Variants in STKLD1 observed in about 807,000 individuals in gnomAD.
STKLD1 encodes the protein serine/threonine kinase-like domain-containing protein STKLD1.
In STKLD1, 79 loss-of-function variants were observed where a neutral mutation model predicts 80.4. The observed-to-expected ratio is 0.98, with a 90% CI of 0.82 to 1.19. STKLD1 has a LOEUF of 1.19. STKLD1 is among the 50% of genes most tolerant of loss of function. The pLI is 0.00. For missense variants in STKLD1, 841 were observed against 856.0 expected (o/e 0.98, Z 0.22); for synonymous variants, 393 against 357.6 (o/e 1.10, Z -1.12).
intron 13 of STKLD1, 75 bp downstream of exon 13, chr9:133,401,953 T>G (rs1838718007): frequency 1.5e-5 from 24 of 1,575,476 alleles, no homozygotes; most frequent in Middle Eastern, 1.7e-4. Flanking sequence ...AAGGGTTGGT[T>G]TGGGGTATAG....
At chr9:133,404,143 C>A in intron 16 of STKLD1, 95 bp downstream of exon 16, 1 of 1,411,252 alleles carries the variant, frequency 7.1e-7, no homozygotes, top group Non-Finnish European at 9.5e-7. Context: ...AACCAAAAAA[C>A]AGAAGCAACA....
intron 7 of STKLD1, among the ~76,000 whole-genome samples, chr9:133,391,935 A>T (rs1298381837): frequency 6.6e-6 from 1 of 151,892 alleles, no homozygotes; most frequent in Non-Finnish European, 1.5e-5. Context: ...ACAACAACCC[A>T]GGAGATGAAG....
At chr9:133,392,527 G>GTGGGTGAGTGGATGGATGGA (rs1838424224) in intron 7 of STKLD1, among the ~76,000 whole-genome samples, 1 of 150,128 alleles carries the variant, frequency 6.7e-6, no homozygotes, top group Admixed American at 6.6e-5. Context: ...AGGTGGGTGG[G>GTGGGTGAGTGGATGGATGGA]TGGGTGAGTG....
rs1554778545 is a variant in STKLD1 at position 133,405,410 on chromosome 9, G to A, written c.2032G>A (p.Gly678Arg). The change falls in exon 18 of 18, where the codon GGA (glycine) becomes AGA (arginine). Residue 678 changes from glycine (G) to arginine (R), a missense_variant. Gly to Arg is a moderately radical substitution (Grantham distance 125). Coordinates refer to ENST00000371957, the MANE Select transcript of STKLD1 (RefSeq NM_153710.5). ...SPQLGCTTSG[G>R]LE Reference sequence around the variant, plus strand: ...CCAGCTGGGGTGCACCACGTCTGGGGGACTGGAATAGATGTTTGTATGGAA... The same window carrying A: ...CCAGCTGGGGTGCACCACGTCTGGGAGACTGGAATAGATGTTTGTATGGAA... 2.5e-6 allele frequency: 4 copies of A among 1,607,520 alleles called. No individual in the cohort carries two copies. Among genetic ancestry groups the A allele is most frequent in the East Asian group, 2.2e-5 (1 of 44,850 alleles).
chr9:133,391,407 T>C (rs1300939507), intron 7 of STKLD1, among the ~76,000 whole-genome samples: 1 of 150,488 alleles, frequency 6.6e-6, no homozygotes. Flanking sequence ...GCAATGGCGG[T>C]TTTGTGGAAT....
intron 2 of STKLD1, 39 bp from the exon 3 acceptor site, chr9:133,383,817 C>G: frequency 2.5e-6 from 4 of 1,606,674 alleles, no homozygotes; most frequent in Non-Finnish European, 3.4e-6. Flanking sequence ...AGATGATTTG[C>G]TACATGTTTA....
At position 133,405,658 on chromosome 9, in the gene STKLD1, C is replaced by T; in HGVS notation, c.*237C>T. On this transcript the variant is annotated 3_prime_UTR_variant, in exon 18 of 18. Coordinates refer to ENST00000371957, the MANE Select transcript of STKLD1 (RefSeq NM_153710.5). ...CTTGCCTGCTTCCTCCTTCCAGGAA[C>T]TGGTTTCTTGCGCGGAAAAAGTGCT... is the stretch of plus-strand genomic sequence containing the variant. The T allele has an allele frequency of 2.4e-6, 1 of 420,782 alleles. No homozygotes were observed. The highest frequency in any genetic ancestry group is 4.4e-5 in the South Asian group (1 of 22,678). The allele number at this position is 420,782 out of a possible 1,614,324, so 26.1% of individuals were successfully genotyped here.
intron 4 of STKLD1, 95 bp from the exon 5 acceptor site, chr9:133,387,352 A>G: frequency 1.0e-6 from 1 of 957,890 alleles, no homozygotes; most frequent in East Asian, 2.4e-5. Flanking sequence ...GCCACTGCAA[A>G]TGGCAGCTGA....
At position 133,376,513 on chromosome 9, in the gene STKLD1, G is replaced by C. The variant is rs2130248707; in HGVS notation, c.40G>C (p.Gly14Arg). ...PGSNRRRPTQ[G>R]ERGPGSPGEP... is the part of the protein sequence containing the mutation. The stretch of plus-strand genomic sequence containing the variant: ...GTCCAATCGCAGGCGCCCCACGCAG[G>C]GGGAGCGAGGCCCAGGGTCCCCCGG... Residue 14 changes from glycine (G) to arginine (R), a missense_variant, in exon 1 of 18, where the codon GGG becomes CGG. By Grantham distance (125) the Gly-to-Arg change is moderately radical (BLOSUM62 -2). Transcript: ENST00000371957. The C allele has an allele frequency of 1.3e-5, 21 of 1,600,986 alleles. No individual in the cohort carries two copies. Among genetic ancestry groups the C allele is most frequent in the Non-Finnish European group, 1.8e-5 (21 of 1,175,586 alleles).
intron 9 of STKLD1, among the ~76,000 whole-genome samples, 170 bp from the exon 10 acceptor site, chr9:133,396,994 C>G (rs1489062521): frequency 2.0e-5 from 3 of 152,150 alleles, no homozygotes; most frequent in East Asian, 1.9e-4. Flanking sequence ...GCTTGCCGGA[C>G]ACACTGGGGA....
At chr9:133,383,609 ATGG>A (rs1326150428) in intron 2 of STKLD1, among the ~76,000 whole-genome samples, 1 of 149,354 alleles carries the variant, frequency 6.7e-6, no homozygotes, top group Non-Finnish European at 1.5e-5. Flanking sequence ...TGATGGAGTG[ATGG>A]TGGTAATGGT....
Position 133,400,452 on chromosome 9 carries a change from C to T in STKLD1, c.1121C>T (p.Thr374Met), listed in dbSNP as rs782462153. The part of the protein sequence containing the change: ...WPPELVEVVV[T>M]TMELHDRVLD... ...CCGGAGCTGGTGGAGGTGGTGGTCA[C>T]GACCATGGAGCTACATGACAGGGTC... The change falls in exon 12 of 18, where the codon ACG (threonine) becomes ATG (methionine). Residue 374 changes from threonine (T) to methionine (M), a missense_variant. Physicochemically the swap from Thr to Met is moderately conservative, Grantham distance 81. Coordinates refer to ENST00000371957, the MANE Select transcript of STKLD1 (RefSeq NM_153710.5). 16 of 1,613,312 alleles carry T rather than the reference C, an allele frequency of 9.9e-6. No homozygotes were observed. The East Asian group carries it at 2.0e-4, about 20-fold the overall frequency.
chr9:133,405,642 T>G lies in STKLD1; in HGVS notation c.*221T>G. On this transcript the variant is annotated 3_prime_UTR_variant, in exon 18 of 18. Transcript: ENST00000371957. ...TGTCCACGAAAACTGACTTGCCTGCTTCCTCCTTCCAGGAACTGGTTTCTT... is the reference window on the plus strand; with the variant it reads ...TGTCCACGAAAACTGACTTGCCTGCGTCCTCCTTCCAGGAACTGGTTTCTT... The G allele has an allele frequency of 6.9e-6, 3 of 435,278 alleles. No homozygotes were observed. The highest frequency in any genetic ancestry group is 1.2e-5 in the Non-Finnish European group (3 of 249,574). The allele number at this position is 435,278 out of a possible 1,614,324, so 27.0% of individuals were successfully genotyped here.
In STKLD1 at chr9:133,401,830, C is replaced by A. The variant is rs1422508967; in HGVS notation, c.1291C>A (p.Pro431Thr). 6.2e-7 allele frequency: 1 copy of A among 1,613,578 alleles called. No homozygotes were observed. The highest frequency in any genetic ancestry group is 1.3e-5 in the African/African-American group (1 of 74,918). ...TCTTCAGAGCCACCCCGAGGAGGAGCCACTTCTTGTCATGGTCTACAGCCT... is the reference window on the plus strand; with the variant it reads ...TCTTCAGAGCCACCCCGAGGAGGAGACACTTCTTGTCATGGTCTACAGCCT... Reference protein sequence around the residue: ...SALQSHPEEEPLLVMVYSLLA... With the variant: ...SALQSHPEEETLLVMVYSLLA... Residue 431 changes from proline (P) to threonine (T), a missense_variant, in exon 13 of 18, where the codon CCA becomes ACA. Transcript: ENST00000371957.
intron 7 of STKLD1, among the ~76,000 whole-genome samples, chr9:133,391,970 T>C (rs1044537808): frequency 4.0e-5 from 6 of 149,574 alleles, no homozygotes; most frequent in Admixed American, 2.0e-4. Flanking sequence ...GGGAGACGAG[T>C]TCTCGTTCCT....
Position 133,385,283 on chromosome 9 carries a change from G to A in STKLD1, c.220-334G>A, listed in dbSNP as rs1482977414. 2.0e-5 allele frequency among the ~76,000 whole-genome samples: 3 copies of A among 152,174 alleles called. No homozygotes were observed. The highest frequency in any genetic ancestry group is 7.2e-5 in the African/African-American group (3 of 41,426). On this transcript the variant is annotated intron_variant, in intron 3 of 17. Coordinates refer to ENST00000371957, the MANE Select transcript of STKLD1 (RefSeq NM_153710.5). The surrounding 1 kb of genome is among the most constrained non-coding windows in gnomAD (Gnocchi z 4.9). ...GTGTCTGCACCACCTCCTCCAGCCAGCCCTGGCTGTGGCTGATCCCCACCT... is the reference window on the plus strand; with the variant it reads ...GTGTCTGCACCACCTCCTCCAGCCAACCCTGGCTGTGGCTGATCCCCACCT...
chr9:133,404,412 G>C (rs1838788858), intron 16 of STKLD1, among the ~76,000 whole-genome samples: 4 of 152,112 alleles, frequency 2.6e-5, no homozygotes, highest in Admixed American at 2.6e-4. Context: ...AGACAGGCTG[G>C]GCCCAGCGCT....
At chr9:133,378,994 T>C (rs1838070430) in intron 1 of STKLD1, 42 bp from the exon 2 acceptor site, 2 of 1,574,616 alleles carry the variant, frequency 1.3e-6, no homozygotes, top group African/African-American at 2.7e-5. Context: ...AAGGGAAAAG[T>C]TGTGTGCATT....
chr9:133,405,017 T>C lies in STKLD1; in HGVS notation c.1873+88T>C, dbSNP rs1273150559. On this transcript the variant is annotated intron_variant, in intron 17 of 17. Transcript: ENST00000371957. ...CTATAACTGACAGGGAAGGAGCACA[T>C]GGAAGGTGGGCTCAACCCCACTTCT... 7.1e-6 allele frequency: 11 copies of C among 1,540,448 alleles called. No individual in the cohort carries two copies. The South Asian group carries it at 9.4e-5, about 13-fold the overall frequency.
Sources: allele counts gnomAD v4.1 joint callset (sites outside exome capture counted in the v4.1 genomes callset), GRCh38; gene constraint gnomAD v4.1.1; non-coding constraint Gnocchi (gnomAD v3.1); transcripts MANE v1.5; gene names NCBI Gene and HGNC (gene_info 2026-07-23, HGNC 2026-07-21).